The following ERI1 variants were observed in gnomAD, a reference collection of about 807,000 sequenced individuals.
ERI1 encodes exoribonuclease 1.
In ERI1, 39 loss-of-function variants were observed where a neutral mutation model predicts 39.7. That is an observed-to-expected ratio of 0.98 (90% CI 0.76 to 1.28). The LOEUF (loss-of-function observed/expected upper bound fraction) is 1.28. ERI1 is among the 50% of genes most tolerant of loss of function. The pLI is 0.00. For missense variants in ERI1, 581 were observed against 416.9 expected (o/e 1.39, Z -3.43); for synonymous variants, 204 against 149.6 (o/e 1.36, Z -2.65).
intron 3 of ERI1, 99 bp downstream of exon 3, chr8:9,011,851 G>C: frequency 2.4e-6 from 2 of 826,454 alleles, no homozygotes; most frequent in Non-Finnish European, 3.6e-6. Context: ...GCCAGAATTA[G>C]ACTTCTAAAG....
chr8:9,067,756 G>A (rs767388190), intron 3 of ERI1, among the ~76,000 whole-genome samples: 1 of 151,920 alleles, frequency 6.6e-6, no homozygotes, highest in South Asian at 2.1e-4. Context: ...TGGGTTCCAC[G>A]GTATTAACTG....
intron 2 of ERI1, chr8:9,009,074 T>G (rs1267263543): frequency 2.2e-6 from 1 of 456,194 alleles, no homozygotes; most frequent in Admixed American, 2.3e-5. Flanking sequence ...GCAAAATTTT[T>G]GTCCTTCCCA....
chr8:9,038,926 C>G (rs1345049391), intron 3 of ERI1, among the ~76,000 whole-genome samples: 1 of 152,184 alleles, frequency 6.6e-6, no homozygotes. Flanking sequence ...GGCTTTTACT[C>G]AGTTCTTTAA....
intron 3 of ERI1, among the ~76,000 whole-genome samples, chr8:9,093,843 C>T (rs1368451137): frequency 1.3e-5 from 2 of 152,180 alleles, no homozygotes; most frequent in African/African-American, 2.4e-5. Context: ...TCCCAAAGTG[C>T]TGGGATTACA....
At chr8:9,038,586 G>A (rs1563348834) in intron 3 of ERI1, among the ~76,000 whole-genome samples, 1 of 150,156 alleles carries the variant, frequency 6.7e-6, no homozygotes, top group Non-Finnish European at 1.5e-5. Context: ...GTGAAACCCT[G>A]TTTCTACAAA....
intron 3 of ERI1, among the ~76,000 whole-genome samples, chr8:9,056,486 TGG>T (rs1798511086): frequency 1.3e-5 from 2 of 152,098 alleles, no homozygotes; most frequent in African/African-American, 4.8e-5. Flanking sequence ...TTTTCAAGTT[TGG>T]CTTTTATAAA....
chr8:9,098,536 AAAG>A (rs888321103), intron 3 of ERI1, among the ~76,000 whole-genome samples: 1 of 152,036 alleles, frequency 6.6e-6, no homozygotes, highest in Non-Finnish European at 1.5e-5. Context: ...ACAATAACAA[AAAG>A]AAGGATACAG....
chr8:9,037,958 C>G (rs559007682), downstream of ERI1, among the ~76,000 whole-genome samples: 1 of 150,716 alleles, frequency 6.6e-6, no homozygotes, highest in Non-Finnish European at 1.5e-5. Context: ...GTTGCCTTTC[C>G]TCTGTGTTGA....
rs1159997463 is a variant in ERI1 at position 9,031,214 on chromosome 8, A to G, written c.*1180A>G. 1.3e-5 allele frequency: 2 copies of G among 152,206 alleles called. No individual in the cohort carries two copies. The highest frequency in any genetic ancestry group is 2.4e-5 in the African/African-American group (1 of 41,458). 9.4% of individuals were successfully genotyped at this position (152,206 alleles called of 1,614,324 possible). A position where few individuals can be genotyped will look rare whatever the true frequency, so the allele number is the denominator to read the frequency against. Reference sequence around the variant, plus strand: ...ATGCTACTTTATTCTAAAGATTTATATTTTATAACCAGATGAATTTCCTCA... The same window carrying G: ...ATGCTACTTTATTCTAAAGATTTATGTTTTATAACCAGATGAATTTCCTCA... On this transcript the variant is annotated 3_prime_UTR_variant, in exon 7 of 7. Coordinates refer to ENST00000250263, the MANE Select transcript of ERI1 (RefSeq NM_153332.4).
chr8:9,086,166 A>T (rs1799519058), intron 3 of ERI1, among the ~76,000 whole-genome samples: 1 of 152,170 alleles, frequency 6.6e-6, no homozygotes, highest in Non-Finnish European at 1.5e-5. Context: ...ATAATCCCAG[A>T]ACTTTGGGAG....
At position 9,030,906 on chromosome 8, in the gene ERI1, A is replaced by G. The variant is rs545787121; in HGVS notation, c.*872A>G. 2 of 152,326 alleles carry G rather than the reference A, an allele frequency of 1.3e-5. No homozygotes were observed. The highest frequency in any genetic ancestry group is 1.3e-4 in the Admixed American group (2 of 15,310). 9.4% of individuals were successfully genotyped at this position (152,326 alleles called of 1,614,324 possible). A position where few individuals can be genotyped will look rare whatever the true frequency, so the allele number is the denominator to read the frequency against. On this transcript the variant is annotated 3_prime_UTR_variant, in exon 7 of 7. Transcript: ENST00000250263. ...TAATAAAGTCAATACTTTCTACCAT[A>G]TATTACGTTTTTGTTATTAAAAAAC...
intron 3 of ERI1, among the ~76,000 whole-genome samples, chr8:9,085,972 T>G (rs1799512555): frequency 6.6e-6 from 1 of 150,724 alleles, no homozygotes; most frequent in Non-Finnish European, 1.5e-5. Context: ...TGTGTTGGTT[T>G]GTGTGTATCT....
In ERI1 at chr8:9,030,036, A is replaced by G. The variant is rs1259482875; in HGVS notation, c.*2A>G. The G allele has an allele frequency of 3.3e-6, 5 of 1,520,524 alleles. No individual in the cohort carries two copies. Among genetic ancestry groups the G allele is most frequent in the South Asian group, 1.1e-5 (1 of 87,096 alleles). The allele number at this position is 1,520,524 out of a possible 1,614,324, so 94.2% of individuals were successfully genotyped here. On this transcript the variant is annotated 3_prime_UTR_variant, in exon 7 of 7. Coordinates refer to ENST00000250263, the MANE Select transcript of ERI1 (RefSeq NM_153332.4). Reference sequence around the variant, plus strand: ...CAAATGCCACATTTTAGAAAGTAACAACAGTTTTGTGTGTGGATCATTCCA... The same window carrying G: ...CAAATGCCACATTTTAGAAAGTAACGACAGTTTTGTGTGTGGATCATTCCA...
chr8:9,074,608 AT>A (rs1199932813), intron 3 of ERI1, among the ~76,000 whole-genome samples: 3 of 151,658 alleles, frequency 2.0e-5, no homozygotes, highest in Non-Finnish European at 2.9e-5. Flanking sequence ...TGCCCAGCTA[AT>A]TTTTTGTAGA....
chr8:9,072,643 T>C (rs1319843561), intron 3 of ERI1: 1 of 152,166 alleles, frequency 6.6e-6, no homozygotes, highest in Non-Finnish European at 1.5e-5. Flanking sequence ...AAAAAAATCT[T>C]TGAAGCCTTC....
intron 3 of ERI1, among the ~76,000 whole-genome samples, chr8:9,045,672 T>C (rs890640124): frequency 6.8e-6 from 1 of 147,420 alleles, no homozygotes. Context: ...TCAGAATCTA[T>C]AGAATTTTTT....
In ERI1 at chr8:9,003,236, C is replaced by T. The variant is rs1563301134; in HGVS notation, c.108+65C>T. 9.0e-6 allele frequency: 9 copies of T among 1,002,146 alleles called. No individual in the cohort carries two copies. In the Admixed American group the frequency reaches 2.6e-4, roughly 29 times the overall value. 62.1% of individuals were successfully genotyped at this position (1,002,146 alleles called of 1,614,324 possible). A position where few individuals can be genotyped will look rare whatever the true frequency, so the allele number is the denominator to read the frequency against. On this transcript the variant is annotated intron_variant, in intron 1 of 6. Transcript: ENST00000250263. ...CCCCGTCCCCAAAGCGCCCTCGGCA[C>T]CCCTTTCTTCTCAGGTGTCCCGCAG...
chr8:9,065,409 C>T (rs1447468154), intron 3 of ERI1, among the ~76,000 whole-genome samples: 1 of 152,120 alleles, frequency 6.6e-6, no homozygotes, highest in African/African-American at 2.4e-5. Flanking sequence ...AAATGGCTGA[C>T]TGCCAGCTGG....
chr8:9,044,421 C>T (rs1798115165), intron 3 of ERI1, among the ~76,000 whole-genome samples: 1 of 152,114 alleles, frequency 6.6e-6, no homozygotes, highest in Non-Finnish European at 1.5e-5. Flanking sequence ...ACCAGGTCAG[C>T]AGACACATCA....
Sources: gnomAD v4.1 joint callset for allele counts (sites outside exome capture counted in the v4.1 genomes callset) on GRCh38, gnomAD v4.1.1 for gene constraint, MANE v1.5 for transcripts, NCBI Gene and HGNC (gene_info 2026-07-23, HGNC 2026-07-21) for gene names.